Variants in KLF17 observed in about 807,000 individuals in gnomAD.
KLF17 encodes KLF transcription factor 17.
A neutral mutation model predicts 34.2 loss-of-function variants in KLF17; 31 were observed. That is an observed-to-expected ratio of 0.91 (90% CI 0.68 to 1.22). The LOEUF (loss-of-function observed/expected upper bound fraction) is 1.22, where lower values mean the gene tolerates loss of function less well. KLF17 is among the 50% of genes most tolerant of loss of function. The probability of loss-of-function intolerance (pLI) is 0.00; values close to 1 mark genes in which losing one functional copy is unlikely to be tolerated. For missense variants in KLF17, 478 were observed against 505.2 expected (o/e 0.95, Z 0.52); for synonymous variants, 179 against 186.7 (o/e 0.96, Z 0.34).
the KLF17 span, among the ~76,000 whole-genome samples, chr1:44,072,002 G>T: frequency 6.6e-6 from 1 of 151,786 alleles, no homozygotes; most frequent in African/African-American, 2.4e-5. Flanking sequence ...GGGGGGGGAC[G>T]GGGGGACAAT....
At chr1:44,127,710 TTCTTC>T (rs1279991191) in intron 1 of KLF17, among the ~76,000 whole-genome samples, 1 of 128,386 alleles carries the variant, frequency 7.8e-6, no homozygotes, top group African/African-American at 3.8e-5. Context: ...CTTTCTTTCT[TTCTTC>T]TCTTTTCTTT....
At chr1:44,047,923 G>C in the KLF17 span, 6 of 152,168 alleles carry the variant, frequency 3.9e-5, no homozygotes, top group Admixed American at 2.0e-4. Flanking sequence ...GGCCAATAAA[G>C]GTGGGCTGAA....
the KLF17 span, among the ~76,000 whole-genome samples, chr1:44,079,704 T>G: frequency 6.6e-6 from 1 of 152,186 alleles, no homozygotes; most frequent in African/African-American, 2.4e-5. Flanking sequence ...TTAATCCTCC[T>G]GGAAAATATT....
the KLF17 span, among the ~76,000 whole-genome samples, chr1:44,086,040 C>T: frequency 5.3e-5 from 8 of 152,038 alleles, no homozygotes; most frequent in East Asian, 3.9e-4. Flanking sequence ...TCCAGTAAGA[C>T]GGGAAGCAAG....
chr1:44,080,168 C>A, the KLF17 span, among the ~76,000 whole-genome samples: 1 of 151,148 alleles, frequency 6.6e-6, no homozygotes, highest in Non-Finnish European at 1.5e-5. Flanking sequence ...ACCTCGTGAT[C>A]CACTCACCTT....
chr1:44,129,799 A>G lies in KLF17; in HGVS notation c.528A>G (p.Pro176=). 1 of 1,614,154 alleles carries G rather than the reference A, an allele frequency of 6.2e-7. No individual in the cohort carries two copies. Among genetic ancestry groups the G allele is most frequent in the Non-Finnish European group, 8.5e-7 (1 of 1,180,024 alleles). ...IPIMSHTGNP[P]VPYPGLSTVP... ...TAATGTCCCACACTGGGAACCCTCC[A>G]GTGCCTTACCCTGGCCTCTCGACAG... The change falls in exon 2 of 4, where the codon CCA becomes CCG. Residue 176 remains proline (P), a synonymous_variant. Transcript: ENST00000372299.
At chr1:44,077,708 T>C in the KLF17 span, among the ~76,000 whole-genome samples, 1 of 152,208 alleles carries the variant, frequency 6.6e-6, no homozygotes, top group Admixed American at 6.6e-5. Flanking sequence ...GATCTCTGCT[T>C]CTTCAAGCAC....
At chr1:44,122,450 GTTC>G (rs1200630162) in intron 1 of KLF17, 61 of 1,269,392 alleles carry the variant, frequency 4.8e-5, no homozygotes, top group Middle Eastern at 3.7e-4. Flanking sequence ...CCTGTGTTCT[GTTC>G]TTCAATGCAA....
chr1:44,102,181 T>G, the KLF17 span, among the ~76,000 whole-genome samples: 1 of 152,092 alleles, frequency 6.6e-6, no homozygotes, highest in Non-Finnish European at 1.5e-5. Context: ...CTAAATATAT[T>G]GATTAAAAGA....
At position 44,122,344 on chromosome 1, in the gene KLF17, T is replaced by A. The variant is rs1483761005; in HGVS notation, c.81+3356T>A. ...ATGTTATTTCCTCGAATACTCAGCGTTTCCAGCTGTACAGGTTCTCTGTTC... is the reference window on the plus strand; with the variant it reads ...ATGTTATTTCCTCGAATACTCAGCGATTCCAGCTGTACAGGTTCTCTGTTC... On this transcript the variant is annotated intron_variant, in intron 1 of 3. Coordinates refer to ENST00000372299, the MANE Select transcript of KLF17 (RefSeq NM_173484.4). The A allele has an allele frequency of 1.3e-5, 21 of 1,607,108 alleles. No homozygotes were observed. In the Middle Eastern group the frequency reaches 5.0e-4, roughly 38 times the overall value.
chr1:44,130,692 C>A lies in KLF17; in HGVS notation c.1106C>A (p.Pro369His), dbSNP rs1160157792. The change falls in exon 3 of 4, where the codon CCC (proline) becomes CAC (histidine). Residue 369 changes from proline to histidine, a missense_variant. Physicochemically the swap from Pro to His is moderately conservative, Grantham distance 77. Transcript: ENST00000372299. ...CACCAGAAGACTCATCGGCCGGGACCCTCAGACCCACAGGCCAACAACAAC... is the reference window on the plus strand; with the variant it reads ...CACCAGAAGACTCATCGGCCGGGACACTCAGACCCACAGGCCAACAACAAC... ...KQHQKTHRPG[P>H]SDPQANNNNG... The A allele has an allele frequency of 3.7e-6, 6 of 1,611,460 alleles. No individual in the cohort carries two copies. The highest frequency in any genetic ancestry group is 5.1e-6 in the Non-Finnish European group (6 of 1,179,158).
the KLF17 span, chr1:44,105,505 C>G: frequency 6.6e-6 from 1 of 152,248 alleles, no homozygotes; most frequent in African/African-American, 2.4e-5. Context: ...AGCAGTGTGG[C>G]CTGGGAAAGG....
chr1:44,123,466 G>A (rs966784802), intron 1 of KLF17, among the ~76,000 whole-genome samples: 7 of 152,082 alleles, frequency 4.6e-5, no homozygotes, highest in African/African-American at 1.4e-4. Flanking sequence ...TGGTAATAAT[G>A]TCCCCGATTT....
chr1:44,099,625 C>G, the KLF17 span, among the ~76,000 whole-genome samples: 1 of 150,896 alleles, frequency 6.6e-6, no homozygotes, highest in South Asian at 2.1e-4. Context: ...ACCAGCCTGG[C>G]CAACATGGTT....
chr1:44,104,076 C>T, the KLF17 span: 2 of 914,876 alleles, frequency 2.2e-6, no homozygotes. Flanking sequence ...CTGCAGCTCC[C>T]GGATCTTCTC....
At chr1:44,119,572 G>A (rs531709848) in intron 1 of KLF17, among the ~76,000 whole-genome samples, 2 of 152,310 alleles carry the variant, frequency 1.3e-5, no homozygotes, top group Admixed American at 1.3e-4. Context: ...ACATGAAGAA[G>A]AAGTCAGGGG....
the KLF17 span, among the ~76,000 whole-genome samples, chr1:44,084,787 C>T: frequency 6.6e-6 from 1 of 150,448 alleles, no homozygotes; most frequent in South Asian, 2.1e-4. Flanking sequence ...TAAAAACATA[C>T]ATGAAGGCAG....
chr1:44,088,682 T>C, the KLF17 span, among the ~76,000 whole-genome samples: 2 of 152,210 alleles, frequency 1.3e-5, no homozygotes, highest in East Asian at 3.9e-4. Flanking sequence ...TGCAGTCACA[T>C]TGGGGGTTAG....
At chr1:44,091,473 T>C in the KLF17 span, among the ~76,000 whole-genome samples, 1 of 151,786 alleles carries the variant, frequency 6.6e-6, no homozygotes, top group African/African-American at 2.4e-5. Context: ...TTGGCCAACC[T>C]GGTGAGACCC....
Sources: gnomAD v4.1 joint callset for allele counts (sites outside exome capture counted in the v4.1 genomes callset) on GRCh38, gnomAD v4.1.1 for gene constraint, MANE v1.5 for transcripts, NCBI Gene and HGNC (gene_info 2026-07-23, HGNC 2026-07-21) for gene names.